KIAA1217: variants seen among roughly 807,000 people sequenced by gnomAD.
KIAA1217 encodes the protein KIAA1217, also known as sickle tail protein homolog.
Under a neutral mutation model 163.9 loss-of-function variants are expected in KIAA1217, and 88 were observed. That is an observed-to-expected ratio of 0.54 (90% CI 0.45 to 0.64). The LOEUF (loss-of-function observed/expected upper bound fraction) is 0.64. KIAA1217 is among the 30% of genes least tolerant of loss of function. The pLI is 0.00. For missense variants in KIAA1217, 2,372 were observed against 2,475.0 expected (o/e 0.96, Z 0.88); for synonymous variants, 903 against 923.1 (o/e 0.98, Z 0.39).
At chr10:23,950,571 A>G (rs1589132278) in intron 1 of KIAA1217, among the ~76,000 whole-genome samples, 1 of 152,230 alleles carries the variant, frequency 6.6e-6, no homozygotes, top group East Asian at 1.9e-4. Context: ...CTCAAATAAT[A>G]TACAAAATAA....
intron 1 of KIAA1217, among the ~76,000 whole-genome samples, chr10:23,795,703 CTCT>C (rs1836166835): frequency 6.6e-6 from 1 of 152,304 alleles, no homozygotes; most frequent in African/African-American, 2.4e-5. Context: ...AGGCATGACT[CTCT>C]TCGGGCCCAT....
chr10:24,252,171 A>G (rs1483363227), intron 2 of KIAA1217, among the ~76,000 whole-genome samples: 1 of 152,186 alleles, frequency 6.6e-6, no homozygotes, highest in African/African-American at 2.4e-5. Context: ...TACTTAGTTA[A>G]AGGCAAACAG....
chr10:23,808,006 G>A (rs1425474921), intron 1 of KIAA1217, among the ~76,000 whole-genome samples: 2 of 152,234 alleles, frequency 1.3e-5, no homozygotes, highest in Admixed American at 1.3e-4. Context: ...GAGGATTGAT[G>A]ACAAACTTGC....
intron 2 of KIAA1217, among the ~76,000 whole-genome samples, chr10:24,078,340 G>T (rs147962504): frequency 5.3e-5 from 8 of 152,278 alleles, no homozygotes; most frequent in African/African-American, 1.4e-4. Context: ...TGGTGACCTT[G>T]GGAAGTCAGG....
intron 1 of KIAA1217, among the ~76,000 whole-genome samples, chr10:23,860,123 C>A (rs1172766486): frequency 6.6e-6 from 1 of 152,158 alleles, no homozygotes; most frequent in East Asian, 1.9e-4. Flanking sequence ...CTCTTCAGAG[C>A]AGGGAGCAGC....
intron 1 of KIAA1217, among the ~76,000 whole-genome samples, chr10:23,729,816 A>G (rs914566262): frequency 3.3e-5 from 5 of 152,298 alleles, no homozygotes; most frequent in African/African-American, 9.6e-5. Flanking sequence ...TCTTTCTTTC[A>G]TGGATCATTC....
intron 5 of KIAA1217, among the ~76,000 whole-genome samples, chr10:24,460,530 G>T (rs944100735): frequency 1.3e-5 from 2 of 151,892 alleles, no homozygotes; most frequent in Non-Finnish European, 2.9e-5. Flanking sequence ...ACTGTCTTTC[G>T]GTGTTACCCT....
In KIAA1217 at chr10:24,543,180, G is replaced by T; in HGVS notation, c.3910G>T (p.Gly1304Ter). 1 of 1,613,190 alleles carries T rather than the reference G, an allele frequency of 6.2e-7. No homozygotes were observed. Among genetic ancestry groups the T allele is most frequent in the Non-Finnish European group, 8.5e-7 (1 of 1,179,880 alleles). ...PDTENQTLNYGKTKEMEKQNT... is the reference protein window; with the variant it reads ...PDTENQTLNY ...CACCGAGAACCAGACGCTGAATTAC[G>T]GAAAGACAAAGGAGATGGAAAAGCA... Residue 1304 changes from glycine to a stop codon, truncating the protein, a stop_gained, in exon 19 of 21, where the codon GGA becomes TGA. Transcript: ENST00000376454. LOFTEE classifies it high-confidence loss of function.
chr10:24,224,808 A>G (rs2130945889), intron 2 of KIAA1217, among the ~76,000 whole-genome samples: 1 of 146,570 alleles, frequency 6.8e-6, no homozygotes, highest in East Asian at 2.0e-4. Flanking sequence ...TTAAATTAGT[A>G]CTTAAAATCA....
At chr10:24,145,750 G>A (rs1312321522) in intron 2 of KIAA1217, among the ~76,000 whole-genome samples, 1 of 152,234 alleles carries the variant, frequency 6.6e-6, no homozygotes, top group African/African-American at 2.4e-5. Flanking sequence ...TTCGTGTTAA[G>A]TCCAAGAGTC....
chr10:24,113,519 G>T (rs913205015), intron 2 of KIAA1217, among the ~76,000 whole-genome samples: 7 of 152,190 alleles, frequency 4.6e-5, no homozygotes, highest in African/African-American at 1.7e-4. Flanking sequence ...GAAGATGACA[G>T]CATCCACTCT....
At chr10:24,238,504 A>T (rs951041984) in intron 2 of KIAA1217, among the ~76,000 whole-genome samples, 2 of 152,182 alleles carry the variant, frequency 1.3e-5, no homozygotes, top group African/African-American at 4.8e-5. Context: ...TAATTTACAT[A>T]AACTAGGATA....
intron 2 of KIAA1217, chr10:24,239,223 G>A: frequency 1.0e-6 from 1 of 985,310 alleles, no homozygotes; most frequent in African/African-American, 1.7e-5. Flanking sequence ...CATGGAGGGG[G>A]GTTTTACCTG....
chr10:24,542,579 A>T lies in KIAA1217; in HGVS notation c.3535-114A>T, dbSNP rs201292655. The T allele has an allele frequency of 1.0e-5, 16 of 1,545,890 alleles. No individual in the cohort carries two copies. The East Asian group carries it at 3.0e-4, about 29-fold the overall frequency. On this transcript the variant is annotated intron_variant, in intron 17 of 20. Coordinates refer to ENST00000376454, the MANE Select transcript of KIAA1217 (RefSeq NM_019590.5). ...TAGGCTTTGGATTGGTGTGTAAGAA[A>T]TATGCGTGGCCCGCATGTCTTAGAA...
At chr10:24,027,098 CTGT>C (rs766636054) in intron 2 of KIAA1217, among the ~76,000 whole-genome samples, 4 of 151,808 alleles carry the variant, frequency 2.6e-5, no homozygotes, top group Non-Finnish European at 5.9e-5. Context: ...TAATTTAATT[CTGT>C]TGTTATCAGA....
chr10:23,858,734 C>T (rs760681314), intron 1 of KIAA1217, among the ~76,000 whole-genome samples: 16 of 152,144 alleles, frequency 1.1e-4, no homozygotes, highest in South Asian at 2.1e-4. Context: ...CCCCACCACT[C>T]GGTCCTTTTA....
chr10:24,544,486 C>T lies in KIAA1217; in HGVS notation c.5211+5C>T. On this transcript the variant is annotated splice_donor_5th_base_variant and intron_variant, in intron 19 of 20. Transcript: ENST00000376454. ...ATACCTTCAGCTTCACGTAAGGTAT[C>T]TTGGTCTGCTGGAAAATGAAAAGAC... is the stretch of plus-strand genomic sequence containing the variant. 6.3e-7 allele frequency: 1 copy of T among 1,593,274 alleles called. No individual in the cohort carries two copies. Among genetic ancestry groups the T allele is most frequent in the Non-Finnish European group, 8.6e-7 (1 of 1,169,160 alleles).
At chr10:24,031,695 G>A (rs185611883) in intron 2 of KIAA1217, among the ~76,000 whole-genome samples, 1 of 151,714 alleles carries the variant, frequency 6.6e-6, no homozygotes, top group South Asian at 2.1e-4. Context: ...CACTGTTTGT[G>A]TGTGTGTGTG....
At chr10:23,874,231 C>G (rs1277566080) in intron 1 of KIAA1217, among the ~76,000 whole-genome samples, 1 of 152,012 alleles carries the variant, frequency 6.6e-6, no homozygotes, top group East Asian at 1.9e-4. Context: ...CTAATAATCC[C>G]TCCTTGAATG....
Sources: allele counts gnomAD v4.1 joint callset (sites outside exome capture counted in the v4.1 genomes callset), GRCh38; gene constraint gnomAD v4.1.1; transcripts MANE v1.5; gene names NCBI Gene and HGNC (gene_info 2026-07-23, HGNC 2026-07-21).